The following ESRRB variants were observed in gnomAD, a reference collection of about 807,000 sequenced individuals.
ESRRB encodes the protein estrogen related receptor beta, also known as steroid hormone receptor ERR2.
A neutral mutation model predicts 46.0 loss-of-function variants in ESRRB; 16 were observed. The observed-to-expected ratio is 0.35, with a 90% CI of 0.24 to 0.53. The LOEUF is 0.53. Among genes scored for constraint, ESRRB ranks in the 20% least tolerant of loss-of-function variants. The probability of loss-of-function intolerance (pLI) is 0.93; values close to 1 mark genes in which losing one functional copy is unlikely to be tolerated. For missense variants in ESRRB, 488 were observed against 607.4 expected (o/e 0.80, Z 2.07); for synonymous variants, 246 against 259.6 (o/e 0.95, Z 0.50).
In ESRRB at chr14:76,498,415, C is replaced by T; in HGVS notation, c.1322C>T (p.Pro441Leu). ...AGCGTCAAACTGCAGGGCAAAGTGCCCATGCACAAACTCTTCCTGGAGATG... is the reference window on the plus strand; with the variant it reads ...AGCGTCAAACTGCAGGGCAAAGTGCTCATGCACAAACTCTTCCTGGAGATG... ...FYSVKLQGKV[P>L]MHKLFLEMLE... The change falls in exon 7 of 7, where the codon CCC becomes CTC. Residue 441 changes from proline (P) to leucine (L), a missense_variant. By Grantham distance (98) the Pro-to-Leu change is moderately conservative. Coordinates refer to ENST00000644823, the MANE Select transcript of ESRRB (RefSeq NM_001379180.1). The T allele has an allele frequency of 6.2e-7, 1 of 1,613,502 alleles. No homozygotes were observed. Among genetic ancestry groups the T allele is most frequent in the South Asian group, 1.1e-5 (1 of 91,070 alleles).
rs117407979 is a variant in ESRRB, at chr14:76,500,307, G to A, written c.*1849G>A. On this transcript the variant is annotated 3_prime_UTR_variant, in exon 7 of 7. Transcript: ENST00000644823. ...TGTCCCTCCGGCTCCCCTTGCCTGTGGGGAATCGGGTCTGAGTCACTTGAT... is the reference window on the plus strand; with the variant it reads ...TGTCCCTCCGGCTCCCCTTGCCTGTAGGGAATCGGGTCTGAGTCACTTGAT... 2.8e-3 allele frequency: 1,650 copies of A among 592,152 alleles called. 52 individuals are homozygous for A. The East Asian group carries it at 0.042, about 15-fold the overall frequency. 36.7% of individuals were successfully genotyped at this position (592,152 alleles called of 1,614,324 possible). A position where few individuals can be genotyped will look rare whatever the true frequency, so the allele number is the denominator to read the frequency against.
At chr14:76,435,194 G>A (rs557089606) in intron 1 of ESRRB, among the ~76,000 whole-genome samples, 1 of 152,342 alleles carries the variant, frequency 6.6e-6, no homozygotes, top group Admixed American at 6.5e-5. Flanking sequence ...AGGAAAACAT[G>A]CAGAAGAGCC....
chr14:76,311,403 G>C (rs887598970), intron 1 of ESRRB, among the ~76,000 whole-genome samples: 1 of 152,132 alleles, frequency 6.6e-6, no homozygotes, highest in Non-Finnish European at 1.5e-5. Flanking sequence ...GCTCCTGGAA[G>C]TTTTGGTTTC....
chr14:76,449,266 C>T (rs1368455639), intron 2 of ESRRB, among the ~76,000 whole-genome samples: 1 of 152,082 alleles, frequency 6.6e-6, no homozygotes, highest in Non-Finnish European at 1.5e-5. Context: ...TTTCTTTACT[C>T]CCAGGCCAGG....
chr14:76,440,434 A>G (rs1737473152), intron 2 of ESRRB, among the ~76,000 whole-genome samples: 1 of 152,066 alleles, frequency 6.6e-6, no homozygotes, highest in South Asian at 2.1e-4. Flanking sequence ...CCCTGTCTCA[A>G]AATAATAATA....
At chr14:76,425,358 C>A (rs1887151146) in intron 1 of ESRRB, among the ~76,000 whole-genome samples, 2 of 152,106 alleles carry the variant, frequency 1.3e-5, no homozygotes, top group African/African-American at 4.8e-5. Context: ...CTAGGGATCT[C>A]CCTATCACTG....
chr14:76,484,961 G>A (rs892037277), intron 5 of ESRRB, among the ~76,000 whole-genome samples: 7 of 152,340 alleles, frequency 4.6e-5, no homozygotes, highest in African/African-American at 1.7e-4. Flanking sequence ...ACGCTTACCA[G>A]CGCTGTTGTA....
chr14:76,405,734 C>T (rs1423994456), intron 1 of ESRRB, among the ~76,000 whole-genome samples: 1 of 151,194 alleles, frequency 6.6e-6, no homozygotes, highest in Non-Finnish European at 1.5e-5. Context: ...AGCCTGGCAA[C>T]AGAGCGAGAC....
chr14:76,421,960 GA>G (rs1233234682), intron 1 of ESRRB, among the ~76,000 whole-genome samples: 2 of 152,176 alleles, frequency 1.3e-5, no homozygotes, highest in Non-Finnish European at 2.9e-5. Flanking sequence ...AGCAGTAATT[GA>G]AATGCAAAAT....
intron 2 of ESRRB, among the ~76,000 whole-genome samples, chr14:76,456,038 G>GCACACACACACACACACACA (rs60824171): frequency 2.2e-5 from 3 of 137,186 alleles, no homozygotes; most frequent in African/African-American, 8.1e-5. Context: ...AGCGAAACTC[G>GCACACACACACACACACACA]CACACACACA....
At chr14:76,422,481 G>C (rs1048550438) in intron 1 of ESRRB, among the ~76,000 whole-genome samples, 1 of 152,044 alleles carries the variant, frequency 6.6e-6, no homozygotes, top group Non-Finnish European at 1.5e-5. Flanking sequence ...AAAGTGCTGG[G>C]ATTACAGGCA....
In ESRRB at chr14:76,443,352, C is replaced by T. The variant is rs139656419; in HGVS notation, c.460+3602C>T. Among the ~76,000 whole-genome samples, 63 of 152,206 alleles carry T rather than the reference C, an allele frequency of 4.1e-4. 1 individual carries two copies. Among genetic ancestry groups the T allele is most frequent in the African/African-American group, 1.3e-3 (56 of 41,532 alleles). On this transcript the variant is annotated intron_variant, in intron 2 of 6. Coordinates refer to ENST00000644823, the MANE Select transcript of ESRRB (RefSeq NM_001379180.1). ...AAATGAATGCACCCTGGTCTCTGCC[C>T]GCTTTATACACCCTGAGTCTGAGTC...
intron 1 of ESRRB, among the ~76,000 whole-genome samples, chr14:76,327,417 T>G (rs897893885): frequency 6.6e-6 from 1 of 152,140 alleles, no homozygotes; most frequent in African/African-American, 2.4e-5. Context: ...GAAAGGATAT[T>G]TGACACTATG....
At position 76,462,227 on chromosome 14, in the gene ESRRB, C is replaced by T. The variant is rs559913567; in HGVS notation, c.461-318C>T. On this transcript the variant is annotated intron_variant, in intron 2 of 6. Coordinates refer to ENST00000644823, the MANE Select transcript of ESRRB (RefSeq NM_001379180.1). ...CTAATGTTCTGGTCAGCATAGGGGG[C>T]GTTCTCCTCCTGGAGTAAAAGGCCA... Among the ~76,000 whole-genome samples, 10 of 152,202 alleles carry T rather than the reference C, an allele frequency of 6.6e-5. No individual in the cohort carries two copies. The East Asian group carries it at 1.9e-3, about 29-fold the overall frequency.
intron 1 of ESRRB, among the ~76,000 whole-genome samples, chr14:76,351,986 T>TAAA (rs201356393): frequency 0.012 from 1,095 of 91,642 alleles, 21 homozygotes; most frequent in Non-Finnish European, 0.019. Context: ...CCCAGTCTCT[T>TAAA]AAAAAAAAAA....
Position 76,376,581 on chromosome 14 carries a change from C to A in ESRRB, c.50+130C>A. The A allele has an allele frequency of 6.9e-6, 4 of 581,904 alleles. No individual in the cohort carries two copies. In the South Asian group the frequency reaches 2.7e-4, roughly 39 times the overall value. The allele number at this position is 581,904 out of a possible 1,614,324, so 36.0% of individuals were successfully genotyped here. On this transcript the variant is annotated intron_variant, in intron 1 of 6. Coordinates refer to ENST00000644823, the MANE Select transcript of ESRRB (RefSeq NM_001379180.1). The surrounding 1 kb of genome is among the most constrained non-coding windows in gnomAD (Gnocchi z 4.1). Reference sequence around the variant, plus strand: ...GGACTTCGGGGGGGCACTTGGGGGACGAAGGAGGGGAAAAGCCGCACACTT... The same window carrying A: ...GGACTTCGGGGGGGCACTTGGGGGAAGAAGGAGGGGAAAAGCCGCACACTT...
At chr14:76,338,161 G>A (rs970211723) in intron 1 of ESRRB, among the ~76,000 whole-genome samples, 2 of 152,202 alleles carry the variant, frequency 1.3e-5, no homozygotes, top group Non-Finnish European at 2.9e-5. Flanking sequence ...CTCCAGAAAC[G>A]CATTAAAAAG....
At chr14:76,402,516 T>C (rs1885986416) in intron 1 of ESRRB, among the ~76,000 whole-genome samples, 2 of 152,102 alleles carry the variant, frequency 1.3e-5, no homozygotes, top group Non-Finnish European at 2.9e-5. Flanking sequence ...CTGGGAACTA[T>C]CCATTGGGAA....
At chr14:76,398,281 C>A in intron 1 of ESRRB, among the ~76,000 whole-genome samples, 1 of 152,172 alleles carries the variant, frequency 6.6e-6, no homozygotes, top group Admixed American at 6.5e-5. Flanking sequence ...GGTTGAGTAG[C>A]ACCCCCAAAG....
Sources: allele counts gnomAD v4.1 joint callset (sites outside exome capture counted in the v4.1 genomes callset), GRCh38; gene constraint gnomAD v4.1.1; non-coding constraint Gnocchi (gnomAD v3.1); transcripts MANE v1.5; gene names NCBI Gene and HGNC (gene_info 2026-07-23, HGNC 2026-07-21).